The following EZH2 variants were observed in gnomAD, a reference collection of about 807,000 sequenced individuals.
The protein encoded by EZH2 is enhancer of zeste 2 polycomb repressive complex 2 subunit.
In EZH2, 18 loss-of-function variants were observed where a neutral mutation model predicts 98.4. The observed-to-expected ratio is 0.18, with a 90% CI of 0.13 to 0.27. The LOEUF is 0.27. EZH2 is among the 10% of genes least tolerant of loss of function. EZH2 has a pLI of 1.00. For missense variants in EZH2, 470 were observed against 935.1 expected (o/e 0.50, Z 6.49); for synonymous variants, 338 against 312.3 (o/e 1.08, Z -0.87).
At chr7:148,829,904 A>G in intron 4 of EZH2, 56 bp from the exon 5 acceptor site, 1 of 1,319,240 alleles carries the variant, frequency 7.6e-7, no homozygotes, top group Non-Finnish European at 1.0e-6. Flanking sequence ...CAAATGTGAA[A>G]TAACTAAAAT....
At chr7:148,827,570 T>C (rs912463285) in intron 6 of EZH2, among the ~76,000 whole-genome samples, 2 of 152,238 alleles carry the variant, frequency 1.3e-5, no homozygotes, top group African/African-American at 2.4e-5. Context: ...CTCTTGGGTC[T>C]GTTTACTCAT....
At chr7:148,815,380 G>T in intron 13 of EZH2, 126 bp downstream of exon 13, 3 of 970,214 alleles carry the variant, frequency 3.1e-6, no homozygotes, top group Non-Finnish European at 4.9e-6. Flanking sequence ...CATTCAAATT[G>T]GTTTAACATA....
chr7:148,863,014 G>A (rs555825375), intron 1 of EZH2, among the ~76,000 whole-genome samples: 52 of 150,784 alleles, frequency 3.4e-4, no homozygotes, highest in African/African-American at 1.2e-3. Flanking sequence ...AACCTGGGAG[G>A]CAGAGGTTGC....
intron 1 of EZH2, among the ~76,000 whole-genome samples, chr7:148,869,847 A>G (rs1249907264): frequency 6.6e-6 from 1 of 152,184 alleles, no homozygotes; most frequent in Non-Finnish European, 1.5e-5. Flanking sequence ...AGGAAATACA[A>G]CTAGTATAAT....
chr7:148,841,901 A>C (rs1283449264), intron 3 of EZH2, among the ~76,000 whole-genome samples: 1 of 152,184 alleles, frequency 6.6e-6, no homozygotes, highest in Non-Finnish European at 1.5e-5. Context: ...TCCCCCCAAA[A>C]AAATCTGCTA....
chr7:148,849,586 A>G (rs1815142691), intron 1 of EZH2, among the ~76,000 whole-genome samples: 1 of 152,212 alleles, frequency 6.6e-6, no homozygotes, highest in Admixed American at 6.5e-5. Flanking sequence ...AGTGGAATAA[A>G]GCTGACAGTC....
intron 1 of EZH2, among the ~76,000 whole-genome samples, chr7:148,869,885 T>G (rs1819083667): frequency 6.7e-6 from 1 of 148,626 alleles, no homozygotes; most frequent in African/African-American, 2.6e-5. Flanking sequence ...AGCCTACCAC[T>G]CTTTGTACAA....
At chr7:148,813,835 C>G (rs966642956) in intron 15 of EZH2, 124 bp downstream of exon 15, 2 of 977,704 alleles carry the variant, frequency 2.0e-6, no homozygotes, top group African/African-American at 3.3e-5. Flanking sequence ...ACTTTCTCAT[C>G]AGTTGCACCT....
At chr7:148,820,096 C>T (rs1244140220) in intron 8 of EZH2, among the ~76,000 whole-genome samples, 1 of 152,188 alleles carries the variant, frequency 6.6e-6, no homozygotes, top group Non-Finnish European at 1.5e-5. Flanking sequence ...AAAGAAAGGT[C>T]AGCAATCAGC....
intron 19 of EZH2, 87 bp from the exon 20 acceptor site, chr7:148,807,793 G>A (rs1248655875): frequency 5.0e-6 from 3 of 601,134 alleles, no homozygotes; most frequent in Non-Finnish European, 8.6e-6. Context: ...GCTGAAGATA[G>A]TGGGTGCATT....
Position 148,807,506 on chromosome 7 carries a change from C to T in EZH2, c.*140G>A, listed in dbSNP as rs1375471721. The T allele has an allele frequency of 7.1e-6, 5 of 700,456 alleles. No homozygotes were observed. Among genetic ancestry groups the T allele is most frequent in the Admixed American group, 5.0e-5 (2 of 40,346 alleles). 43.4% of individuals were successfully genotyped at this position (700,456 alleles called of 1,614,324 possible). A position where few individuals can be genotyped will look rare whatever the true frequency, so the allele number is the denominator to read the frequency against. On this transcript the variant is annotated 3_prime_UTR_variant, in exon 20 of 20. Coordinates refer to ENST00000320356, the MANE Select transcript of EZH2 (RefSeq NM_004456.5). Reference sequence around the variant, plus strand: ...GCAATAAAAAGTTGATTTTTAAACTCATTACTATAAATTATTCTTACAGTA... The same window carrying T: ...GCAATAAAAAGTTGATTTTTAAACTTATTACTATAAATTATTCTTACAGTA...
chr7:148,817,090 GAAAA>G, intron 11 of EZH2, 128 bp downstream of exon 11: 1 of 853,406 alleles, frequency 1.2e-6, no homozygotes. Flanking sequence ...CTCTTGGGAA[GAAAA>G]AAAAATTATT....
At chr7:148,871,627 G>A (rs566881392) in intron 1 of EZH2, among the ~76,000 whole-genome samples, 22 of 148,800 alleles carry the variant, frequency 1.5e-4, no homozygotes, top group African/African-American at 5.0e-4. Flanking sequence ...TGGCTGGAGT[G>A]CAATGGCATG....
chr7:148,816,640 T>C (rs1027427200), intron 12 of EZH2, 44 bp downstream of exon 12: 2 of 1,460,024 alleles, frequency 1.4e-6, no homozygotes, highest in East Asian at 2.3e-5. Flanking sequence ...GCCTGCAGTG[T>C]CTATCTATGT....
intron 1 of EZH2, among the ~76,000 whole-genome samples, chr7:148,863,187 A>G (rs1193229011): frequency 6.6e-6 from 1 of 152,110 alleles, no homozygotes; most frequent in East Asian, 1.9e-4. Context: ...CAGACATCAT[A>G]CGAATCCGAA....
chr7:148,815,585 G>A, intron 12 of EZH2, 39 bp from the exon 13 acceptor site: 1 of 1,595,536 alleles, frequency 6.3e-7, no homozygotes, highest in Non-Finnish European at 8.6e-7. Context: ...AATTTCTGCG[G>A]GAAGCTACAA....
chr7:148,853,404 G>A (rs553448806), intron 1 of EZH2, among the ~76,000 whole-genome samples: 4 of 152,106 alleles, frequency 2.6e-5, no homozygotes, highest in Non-Finnish European at 4.4e-5. Flanking sequence ...ACAGTGAGAC[G>A]AGACTCCGTC....
At chr7:148,808,662 A>C (rs1463299573) in intron 19 of EZH2, among the ~76,000 whole-genome samples, 2 of 152,336 alleles carry the variant, frequency 1.3e-5, no homozygotes, top group South Asian at 4.1e-4. Flanking sequence ...CAATAAATTA[A>C]GTAGATCTAA....
intron 3 of EZH2, 122 bp from the exon 4 acceptor site, chr7:148,832,872 T>C (rs1482543703): frequency 1.6e-5 from 9 of 546,978 alleles, no homozygotes; most frequent in Non-Finnish European, 2.9e-5. Flanking sequence ...AGTCCTTACC[T>C]AGGACAGTAA....
Sources: allele counts gnomAD v4.1 joint callset (sites outside exome capture counted in the v4.1 genomes callset), GRCh38; gene constraint gnomAD v4.1.1; transcripts MANE v1.5; gene names NCBI Gene and HGNC (gene_info 2026-07-23, HGNC 2026-07-21).